RGS22: variants seen among roughly 807,000 people sequenced by gnomAD.
RGS22 encodes the protein regulator of G protein signaling 22, also known as regulator of G-protein signaling 22.
In RGS22, 148 loss-of-function variants were observed where a neutral mutation model predicts 172.9. That is an observed-to-expected ratio of 0.86 (90% CI 0.75 to 0.98). RGS22 has a LOEUF of 0.98. RGS22 is among the 50% of genes least tolerant of loss of function. RGS22 has a pLI of 0.00. For missense variants in RGS22, 1,347 were observed against 1,440.8 expected (o/e 0.93, Z 1.05); for synonymous variants, 458 against 480.2 (o/e 0.95, Z 0.60).
chr8:100,033,665 A>G (rs1819103732), intron 14 of RGS22, among the ~76,000 whole-genome samples: 1 of 152,184 alleles, frequency 6.6e-6, no homozygotes, highest in South Asian at 2.1e-4. Flanking sequence ...ATCCTCCCAA[A>G]AAAAGAATTT....
chr8:99,977,864 A>T (rs1812143953), intron 23 of RGS22, 53 bp downstream of exon 23: 6 of 1,403,176 alleles, frequency 4.3e-6, no homozygotes, highest in Non-Finnish European at 4.8e-6. Context: ...TAATTCACAC[A>T]TATCACATAA....
Position 100,080,206 on chromosome 8 carries a change from C to T in RGS22, c.267G>A (p.Lys89=). 6.2e-7 allele frequency: 1 copy of T among 1,613,858 alleles called. No homozygotes were observed. Among genetic ancestry groups the T allele is most frequent in the South Asian group, 1.1e-5 (1 of 91,072 alleles). ...NPIYDVVRKG[K]NEVKPVQMNA... ...TCATTTGAACAGGTTTAACCTCATT[C>T]TTTCCTTTCCTTACAACATCATAAA... The change falls in exon 4 of 28, where the codon AAG becomes AAA. Residue 89 remains lysine, a synonymous_variant. Transcript: ENST00000360863.
intron 18 of RGS22, among the ~76,000 whole-genome samples, chr8:100,000,323 G>T (rs1262955335): frequency 6.6e-6 from 1 of 151,480 alleles, no homozygotes; most frequent in Non-Finnish European, 1.5e-5. Context: ...CCTCTTCTTA[G>T]TTCTCCTTTA....
Position 100,002,315 on chromosome 8 carries a change from A to T in RGS22, c.2677T>A (p.Tyr893Asn). 1 of 1,611,730 alleles carries T rather than the reference A, an allele frequency of 6.2e-7. No homozygotes were observed. The highest frequency in any genetic ancestry group is 1.1e-5 in the South Asian group (1 of 90,670). Reference sequence around the variant, plus strand: ...GCCTTCCTTTGATTTCGATCTCTGTAAGTTATTCTCCGGAACTGCTCAATG... The same window carrying T: ...GCCTTCCTTTGATTTCGATCTCTGTTAGTTATTCTCCGGAACTGCTCAATG... The part of the protein sequence containing the change: ...TDIEQFRRIT[Y>N]RDRNQRKAKS... The change falls in exon 18 of 28, where the codon TAC becomes AAC. Residue 893 changes from tyrosine to asparagine, a missense_variant. Coordinates refer to ENST00000360863, the MANE Select transcript of RGS22 (RefSeq NM_015668.5).
At chr8:100,052,720 A>G in intron 10 of RGS22, 82 bp downstream of exon 10, 1 of 1,256,928 alleles carries the variant, frequency 8.0e-7, no homozygotes, top group Non-Finnish European at 1.1e-6. Context: ...GCTTGTAATG[A>G]AAATTATCAG....
At chr8:100,083,378 G>GT (rs921475828) in intron 3 of RGS22, among the ~76,000 whole-genome samples, 5 of 151,816 alleles carry the variant, frequency 3.3e-5, no homozygotes, top group East Asian at 1.9e-4. Context: ...ATTACTTTTG[G>GT]TTTTTTTTGA....
Position 100,080,185 on chromosome 8 carries a change from T to C in RGS22, c.288A>G (p.Gln96=), listed in dbSNP as rs371415034. The change falls in exon 4 of 28, where the codon CAA becomes CAG. Residue 96 remains glutamine, a synonymous_variant. Transcript: ENST00000360863. ...RKGKNEVKPV[Q]MNAPDEDETI... is the part of the protein sequence containing the mutation. ...TCTCATCTTCATCGGGGGCATTCAT[T>C]TGAACAGGTTTAACCTCATTCTTTC... The C allele has an allele frequency of 1.9e-6, 3 of 1,613,570 alleles. No individual in the cohort carries two copies. The highest frequency in any genetic ancestry group is 2.2e-5 in the East Asian group (1 of 44,848).
At chr8:100,099,420 G>A (rs187610828) in intron 2 of RGS22, among the ~76,000 whole-genome samples, 1 of 152,230 alleles carries the variant, frequency 6.6e-6, no homozygotes, top group African/African-American at 2.4e-5. Flanking sequence ...GGTAAAAAGA[G>A]GATGTGGCAA....
At chr8:99,972,414 G>C (rs1247154982) in intron 23 of RGS22, among the ~76,000 whole-genome samples, 3 of 152,102 alleles carry the variant, frequency 2.0e-5, no homozygotes, top group African/African-American at 7.2e-5. Context: ...GTCTAATTAA[G>C]CTAAAGAGCT....
At chr8:100,052,427 G>A (rs1222644423) in intron 10 of RGS22, among the ~76,000 whole-genome samples, 2 of 150,464 alleles carry the variant, frequency 1.3e-5, no homozygotes, top group East Asian at 3.9e-4. Flanking sequence ...TCAGCCTCCC[G>A]AGTAGCTGGG....
chr8:100,060,205 A>G (rs191122362), intron 9 of RGS22, among the ~76,000 whole-genome samples: 78 of 151,832 alleles, frequency 5.1e-4, no homozygotes, highest in Middle Eastern at 3.4e-3. Flanking sequence ...CAGGTAAAAT[A>G]TTACCTCCTC....
At chr8:100,060,870 A>G (rs1442321671) in intron 9 of RGS22, among the ~76,000 whole-genome samples, 3 of 152,190 alleles carry the variant, frequency 2.0e-5, no homozygotes, top group African/African-American at 4.8e-5. Flanking sequence ...GGCAATCCTA[A>G]GCAAAAAGAG....
At chr8:100,103,874 G>C (rs781748986) in intron 2 of RGS22, among the ~76,000 whole-genome samples, 19 of 152,214 alleles carry the variant, frequency 1.2e-4, no homozygotes, top group Non-Finnish European at 2.5e-4. Flanking sequence ...ACCTAAAATA[G>C]TGAACTGTTC....
At chr8:100,011,066 C>T (rs1443078627) in intron 14 of RGS22, among the ~76,000 whole-genome samples, 2 of 151,682 alleles carry the variant, frequency 1.3e-5, no homozygotes, top group African/African-American at 4.8e-5. Context: ...TGCATGGAGG[C>T]CTATGGGAGC....
chr8:99,975,311 CAG>C (rs1353846149), intron 23 of RGS22, among the ~76,000 whole-genome samples: 1 of 152,042 alleles, frequency 6.6e-6, no homozygotes, highest in African/African-American at 2.4e-5. Context: ...GCAGTGGTGA[CAG>C]AATTTTAAAA....
chr8:99,973,237 C>T (rs2131144864), intron 23 of RGS22, among the ~76,000 whole-genome samples: 1 of 152,190 alleles, frequency 6.6e-6, no homozygotes, highest in South Asian at 2.1e-4. Context: ...CAGCACTATT[C>T]ACAATAGCAA....
intron 10 of RGS22, among the ~76,000 whole-genome samples, chr8:100,048,434 A>G (rs1820952831): frequency 6.6e-6 from 1 of 152,116 alleles, no homozygotes; most frequent in South Asian, 2.1e-4. Context: ...CAGTAGTTTT[A>G]TTATTTTTAT....
At chr8:100,069,589 A>C (rs1332546973) in intron 6 of RGS22, among the ~76,000 whole-genome samples, 1 of 152,234 alleles carries the variant, frequency 6.6e-6, no homozygotes, top group Non-Finnish European at 1.5e-5. Flanking sequence ...TTTACTACTA[A>C]GGAATAACCT....
chr8:100,003,988 A>AG lies in RGS22; in HGVS notation c.2564_2565insC (p.Leu856SerfsTer3). On this transcript the variant is annotated frameshift_variant, in exon 17 of 28. Coordinates refer to ENST00000360863, the MANE Select transcript of RGS22 (RefSeq NM_015668.5). LOFTEE classifies it high-confidence loss of function. The stretch of plus-strand genomic sequence containing the variant: ...CAAACTCCAGTTTGTTGTTAAGCAG[A>AG]TCACTAAACTTAAAATGCTTGTATT... 1 of 1,612,310 alleles carries AG rather than the reference A, an allele frequency of 6.2e-7. No homozygotes were observed. The highest frequency in any genetic ancestry group is 8.5e-7 in the Non-Finnish European group (1 of 1,178,968).
Sources: allele counts gnomAD v4.1 joint callset (sites outside exome capture counted in the v4.1 genomes callset), GRCh38; gene constraint gnomAD v4.1.1; transcripts MANE v1.5; gene names NCBI Gene and HGNC (gene_info 2026-07-23, HGNC 2026-07-21).